Variants in RAG1 observed in about 807,000 individuals in gnomAD.
The protein encoded by RAG1 is V(D)J recombination-activating protein 1.
RAG1 carries 35 observed loss-of-function variants against 62.7 expected under a neutral mutation model. The observed-to-expected ratio is 0.56, with a 90% confidence interval of 0.43 to 0.74. The LOEUF (loss-of-function observed/expected upper bound fraction) is 0.74, where lower values mean the gene tolerates loss of function less well. RAG1 is among the 30% of genes least tolerant of loss of function. The pLI is 0.00. For missense variants in RAG1, 1,169 were observed against 1,278.6 expected, an observed-to-expected ratio of 0.91 and a Z score of 1.31; for synonymous variants, 461 against 470.3, an observed-to-expected ratio of 0.98 and a Z score of 0.26.
chr11:36,524,957 T>A (rs1860137924), intron 2 of RAG1, among the ~76,000 whole-genome samples: 1 of 152,112 alleles, frequency 6.6e-6, no homozygotes. Context: ...TCATTTTGAG[T>A]TTTTGTATTA....
chr11:36,522,841 T>G (rs1248283447), intron 2 of RAG1, among the ~76,000 whole-genome samples: 5 of 152,234 alleles, frequency 3.3e-5, no homozygotes, highest in African/African-American at 1.2e-4. Flanking sequence ...GGAGATCATT[T>G]TGGAGCTTTA....
chr11:36,542,778 C>T (rs1010775962), intron 3 of RAG1, among the ~76,000 whole-genome samples: 5 of 151,930 alleles, frequency 3.3e-5, no homozygotes, highest in African/African-American at 7.3e-5. Flanking sequence ...GAGCTTGGGG[C>T]GATAAACCAT....
In RAG1 at chr11:36,574,411, G is replaced by A; in HGVS notation, c.1107G>A (p.Leu369=). The change falls in exon 2 of 2, where the codon TTG becomes TTA. Residue 369 remains leucine, a synonymous_variant. Transcript: ENST00000299440. The part of the protein sequence containing the change: ...PAKECNEEVS[L]EKYNHHISSH... ...AAGAGTGCAATGAGGAGGTCAGTTT[G>A]GAAAAATATAATCACCACATCTCAA... 6.2e-7 allele frequency: 1 copy of A among 1,614,206 alleles called. No individual in the cohort carries two copies. Among genetic ancestry groups the A allele is most frequent in the Non-Finnish European group, 8.5e-7 (1 of 1,180,034 alleles).
chr11:36,522,066 G>GA (rs761147541), intron 2 of RAG1, among the ~76,000 whole-genome samples: 79 of 148,996 alleles, frequency 5.3e-4, no homozygotes, highest in East Asian at 9.7e-4. Flanking sequence ...CAATGAAATA[G>GA]AAAAAAAAAA....
Position 36,573,972 on chromosome 11 carries a change from G to A in RAG1, c.668G>A (p.Arg223Lys), listed in dbSNP as rs932071341. 1.2e-6 allele frequency: 2 copies of A among 1,614,154 alleles called. No individual in the cohort carries two copies. The highest frequency in any genetic ancestry group is 1.7e-6 in the Non-Finnish European group (2 of 1,180,032). Residue 223 changes from arginine (R) to lysine (K), a missense_variant, in exon 2 of 2, where the codon AGG (arginine) becomes AAG (lysine). Arg to Lys is a conservative substitution (Grantham distance 26). This residue lies in a region of RAG1 where 369 missense variants were observed against 335.3 expected (regional missense o/e 1.10). Coordinates refer to ENST00000299440, the MANE Select transcript of RAG1 (RefSeq NM_000448.3). ...AACACTGCCCGTCGGGGACTCAAGA[G>A]GAAGAGTCTTCAGCCAAACTTGCAG... The part of the protein sequence containing the change: ...ICNTARRGLK[R>K]KSLQPNLQLS...
Position 36,575,504 on chromosome 11 carries a change from G to A in RAG1, c.2200G>A (p.Asp734Asn), listed in dbSNP as rs1850830887. The A allele has an allele frequency of 6.2e-7, 1 of 1,614,202 alleles. No individual in the cohort carries two copies. The highest frequency in any genetic ancestry group is 2.2e-5 in the East Asian group (1 of 44,886). ...CTCAGTCTACATTTGTACTCTTTGTGATGCCACCCGTCTGGAAGCCTCTCA... is the reference window on the plus strand; with the variant it reads ...CTCAGTCTACATTTGTACTCTTTGTAATGCCACCCGTCTGGAAGCCTCTCA... ...SGSVYICTLC[D>N]ATRLEASQNL... Residue 734 changes from aspartate to asparagine, a missense_variant, in exon 2 of 2, where the codon GAT becomes AAT. Transcript: ENST00000299440. This position sits in a 1 kb window ranked among gnomAD's most constrained non-coding sequence, Gnocchi z 4.1.
rs778449910 is a variant in RAG1 at position 36,575,043 on chromosome 11, G to A, written c.1739G>A (p.Gly580Asp). ...GACATGGAAGAAGACATCTTGGAAG[G>A]CATGAGATCCCAAGACCTTGATGAT... The part of the protein sequence containing the change: ...LMDMEEDILE[G>D]MRSQDLDDYL... Residue 580 changes from glycine (G) to aspartate (D), a missense_variant, in exon 2 of 2, where the codon GGC becomes GAC. Gly to Asp is a moderately conservative substitution (Grantham distance 94). Around this residue, in one of 2 missense-constraint regions of RAG1, gnomAD observed 800 missense variants for 943.3 expected, o/e 0.85. Transcript: ENST00000299440. The surrounding 1 kb of genome is among the most constrained non-coding windows in gnomAD (Gnocchi z 4.1). The A allele has an allele frequency of 1.2e-6, 2 of 1,614,140 alleles. No individual in the cohort carries two copies. The highest frequency in any genetic ancestry group is 2.2e-5 in the South Asian group (2 of 91,076).
chr11:36,548,632 CA>C (rs1413904365), intron 3 of RAG1, among the ~76,000 whole-genome samples: 1 of 152,190 alleles, frequency 6.6e-6, no homozygotes, highest in African/African-American at 2.4e-5. Flanking sequence ...AGGACACAAA[CA>C]AATGGCAAAA....
chr11:36,561,824 C>T (rs1206533785), intron 3 of RAG1, among the ~76,000 whole-genome samples: 1 of 152,182 alleles, frequency 6.6e-6, no homozygotes, highest in African/African-American at 2.4e-5. Flanking sequence ...TGATAGCCTC[C>T]ATAATTGTGT....
downstream of RAG1, among the ~76,000 whole-genome samples, chr11:36,537,642 C>T (rs958987460): frequency 6.6e-6 from 1 of 152,018 alleles, no homozygotes; most frequent in African/African-American, 2.4e-5. Context: ...ATTTTAATAA[C>T]TTATGCCTTG....
chr11:36,549,294 G>A, intron 3 of RAG1, among the ~76,000 whole-genome samples: 1 of 152,198 alleles, frequency 6.6e-6, no homozygotes, highest in Non-Finnish European at 1.5e-5. Flanking sequence ...AAACTAGAGA[G>A]CTTCTGCACA....
In RAG1 at chr11:36,575,326, C is replaced by A; in HGVS notation, c.2022C>A (p.Ile674=). The stretch of plus-strand genomic sequence containing the variant: ...CTGACCACGAGACGCTGACTGCCAT[C>A]CTGAGTCCTCTCATTGCTGAGAGGG... ...DESDHETLTA[I]LSPLIAEREA... Residue 674 remains isoleucine (I), a synonymous_variant, in exon 2 of 2, where the codon ATC becomes ATA. Coordinates refer to ENST00000299440, the MANE Select transcript of RAG1 (RefSeq NM_000448.3). This position sits in a 1 kb window ranked among gnomAD's most constrained non-coding sequence, Gnocchi z 4.1. The A allele has an allele frequency of 6.2e-7, 1 of 1,614,154 alleles. No individual in the cohort carries two copies. Among genetic ancestry groups the A allele is most frequent in the Non-Finnish European group, 8.5e-7 (1 of 1,180,038 alleles).
chr11:36,519,585 C>T (rs1182619595), intron 1 of RAG1, among the ~76,000 whole-genome samples: 1 of 152,186 alleles, frequency 6.6e-6, no homozygotes, highest in Non-Finnish European at 1.5e-5. Context: ...ACTTTTTTTG[C>T]ATGAATCTTT....
chr11:36,541,035 C>T (rs1038225738), intron 3 of RAG1, among the ~76,000 whole-genome samples: 6 of 152,132 alleles, frequency 3.9e-5, no homozygotes, highest in Non-Finnish European at 5.9e-5. Flanking sequence ...TCCCCAGTTC[C>T]GGTTTCCACA....
downstream of RAG1, among the ~76,000 whole-genome samples, chr11:36,540,142 G>A (rs1441814343): frequency 6.6e-6 from 1 of 152,148 alleles, no homozygotes; most frequent in Non-Finnish European, 1.5e-5. Context: ...CTAAAACAGA[G>A]TCGAGAAGCC....
At chr11:36,537,569 AG>A (rs1470961944), downstream of RAG1, among the ~76,000 whole-genome samples, 4 of 152,190 alleles carry the variant, frequency 2.6e-5, no homozygotes, top group African/African-American at 9.7e-5. Flanking sequence ...TGTGCTTCAA[AG>A]GTAAGTATTT....
chr11:36,530,049 G>GT (rs1860229713), intron 2 of RAG1, among the ~76,000 whole-genome samples: 1 of 151,954 alleles, frequency 6.6e-6, no homozygotes, highest in South Asian at 2.1e-4. Flanking sequence ...AACGGTGGCT[G>GT]TTTATGTTTT....
chr11:36,526,506 A>G (rs988207956), intron 2 of RAG1, among the ~76,000 whole-genome samples: 11 of 152,138 alleles, frequency 7.2e-5, no homozygotes, highest in Non-Finnish European at 4.4e-5. Context: ...GTTGGTTACA[A>G]GTCCTTGCTA....
rs1850885653 is a variant in RAG1, at chr11:36,578,509, C to A, written c.*2073C>A. 6.0e-6 allele frequency: 1 copy of A among 166,802 alleles called. No individual in the cohort carries two copies. The highest frequency in any genetic ancestry group is 6.5e-5 in the Admixed American group (1 of 15,278). The allele number at this position is 166,802 out of a possible 1,614,324, so 10.3% of individuals were successfully genotyped here. ...TCCTATTTACTGAAGCATGGTCATGCTGGTTTATAGATTTTTTACCCATTT... is the reference window on the plus strand; with the variant it reads ...TCCTATTTACTGAAGCATGGTCATGATGGTTTATAGATTTTTTACCCATTT... On this transcript the variant is annotated 3_prime_UTR_variant, in exon 2 of 2. Coordinates refer to ENST00000299440, the MANE Select transcript of RAG1 (RefSeq NM_000448.3).
Sources: allele counts gnomAD v4.1 joint callset (sites outside exome capture counted in the v4.1 genomes callset), GRCh38; gene constraint gnomAD v4.1.1; regional missense constraint gnomAD v4.1.1; non-coding constraint Gnocchi (gnomAD v3.1); transcripts MANE v1.5; gene names NCBI Gene and HGNC (gene_info 2026-07-23, HGNC 2026-07-21).